Variants in ATG9A observed in about 807,000 individuals in gnomAD.
The protein encoded by ATG9A is autophagy related 9A, also known as autophagy-related protein 9A.
Under a neutral mutation model 87.1 loss-of-function variants are expected in ATG9A, and 21 were observed. That is an observed-to-expected ratio of 0.24 (90% CI 0.17 to 0.35). The LOEUF (loss-of-function observed/expected upper bound fraction) is 0.35, where lower values mean the gene tolerates loss of function less well. Among genes scored for constraint, ATG9A ranks in the 10% least tolerant of loss-of-function variants. ATG9A has a pLI of 1.00. For missense variants in ATG9A, 836 were observed against 1,107.3 expected, an observed-to-expected ratio of 0.76 and a Z score of 3.48; for synonymous variants, 422 against 441.3, an observed-to-expected ratio of 0.96 and a Z score of 0.55.
At chr2:219,227,024 G>T in intron 4 of ATG9A, 91 bp from the exon 5 acceptor site, 1 of 1,082,936 alleles carries the variant, frequency 9.2e-7, no homozygotes, top group Non-Finnish European at 1.4e-6. Context: ...TCCTGGCTCT[G>T]TGACTTTCTA....
chr2:219,221,556 G>A (rs1177835801), intron 13 of ATG9A, among the ~76,000 whole-genome samples: 2 of 152,160 alleles, frequency 1.3e-5, no homozygotes, highest in East Asian at 3.8e-4. Flanking sequence ...CAAACTGACT[G>A]ACGGTCTAAG....
intron 5 of ATG9A, among the ~76,000 whole-genome samples, chr2:219,226,085 G>C (rs1448382616): frequency 1.3e-5 from 2 of 152,146 alleles, no homozygotes; most frequent in African/African-American, 4.8e-5. Flanking sequence ...CGTTCCATTG[G>C]AGCGTTGAGA....
At position 219,220,840 on chromosome 2, in the gene ATG9A, T is replaced by A; in HGVS notation, c.2421A>T (p.Gly807=). ...CCGACTGCCCATCTTCTGCCCACCC[T>A]CCAAGAGGCAGCCGAGAGAAATGAG... is the stretch of plus-strand genomic sequence containing the variant. The part of the protein sequence containing the change: ...VPSHFSRLPL[G]GWAEDGQSAS... Residue 807 remains glycine, a synonymous_variant, in exon 15 of 16, where the codon GGA becomes GGT. Coordinates refer to ENST00000361242, the MANE Select transcript of ATG9A (RefSeq NM_001077198.3). 1 of 1,612,836 alleles carries A rather than the reference T, an allele frequency of 6.2e-7. No individual in the cohort carries two copies. Among genetic ancestry groups the A allele is most frequent in the East Asian group, 2.2e-5 (1 of 44,826 alleles).
At chr2:219,220,635 G>A in intron 15 of ATG9A, 112 bp downstream of exon 15, 2 of 1,503,846 alleles carry the variant, frequency 1.3e-6, no homozygotes, top group Non-Finnish European at 1.8e-6. Context: ...GGAAGGGAGG[G>A]TACAGTATCT....
At position 219,220,346 on chromosome 2, in the gene ATG9A, G is replaced by GA; in HGVS notation, c.*100_*101insT. On this transcript the variant is annotated 3_prime_UTR_variant, in exon 16 of 16. Transcript: ENST00000361242. Reference sequence around the variant, plus strand: ...AGACACACAAACACCACACACGTGGGGCCAGGGAACACTCAGAGGAGCCGT... The same window carrying GA: ...AGACACACAAACACCACACACGTGGGAGCCAGGGAACACTCAGAGGAGCCGT... The GA allele has an allele frequency of 6.8e-7, 1 of 1,460,696 alleles. No individual in the cohort carries two copies. Among genetic ancestry groups the GA allele is most frequent in the Non-Finnish European group, 9.5e-7 (1 of 1,051,358 alleles). 90.5% of individuals were successfully genotyped at this position (1,460,696 alleles called of 1,614,324 possible).
rs1950738544 is a variant in ATG9A at position 219,220,747 on chromosome 2, C to T, written c.2514G>A (p.Lys838=). ...TTTTCCTAGGCCCCGGGGCCCTTAC[C>T]TTGTGCACCTGAGGGGGTAGCTCAT... ...SEDELPPQVH[K]V is the part of the protein sequence containing the mutation. Residue 838 remains lysine (K), a splice_region_variant and synonymous_variant, in exon 15 of 16, where the codon AAG becomes AAA. Transcript: ENST00000361242. 6.2e-7 allele frequency: 1 copy of T among 1,612,966 alleles called. No individual in the cohort carries two copies. The highest frequency in any genetic ancestry group is 8.5e-7 in the Non-Finnish European group (1 of 1,179,648).
At position 219,229,193 on chromosome 2, in the gene ATG9A, T is replaced by A. The variant is rs1950945568; in HGVS notation, c.-82+342A>T. On this transcript the variant is annotated intron_variant, in intron 1 of 15. Coordinates refer to ENST00000361242, the MANE Select transcript of ATG9A (RefSeq NM_001077198.3). The surrounding 1 kb of genome is among the most constrained non-coding windows in gnomAD (Gnocchi z 4.2). ...GGGGTTCCTGCGGATGTTGCAGGGA[T>A]CGAGTCAGCCTTACAGCTGATAGCC... is the stretch of plus-strand genomic sequence containing the variant. 6.6e-6 allele frequency: 1 copy of A among 152,038 alleles called. No individual in the cohort carries two copies. The highest frequency in any genetic ancestry group is 2.1e-4 in the South Asian group (1 of 4,824). 9.4% of individuals were successfully genotyped at this position (152,038 alleles called of 1,614,324 possible).
At chr2:219,220,540 C>T in intron 15 of ATG9A, 88 bp from the exon 16 acceptor site, 1 of 1,575,054 alleles carries the variant, frequency 6.3e-7, no homozygotes, top group Non-Finnish European at 8.7e-7. Context: ...GGTAAAGGGA[C>T]AGGAAAGGTT....
intron 4 of ATG9A, 78 bp downstream of exon 4, chr2:219,227,692 C>G: frequency 3.9e-6 from 6 of 1,537,094 alleles, no homozygotes; most frequent in Non-Finnish European, 5.4e-6. Context: ...GTCAAACCTA[C>G]CCCCACCTCC....
At chr2:219,227,849 A>G (rs1330105457) in intron 3 of ATG9A, 36 bp from the exon 4 acceptor site, 2 of 1,613,510 alleles carry the variant, frequency 1.2e-6, no homozygotes, top group East Asian at 2.2e-5. Flanking sequence ...GAGCCCTGGG[A>G]GAACACAAGC....
rs768832707 is a variant in ATG9A, at chr2:219,222,319, G to A, written c.1980C>T (p.Pro660=). The A allele has an allele frequency of 3.0e-5, 48 of 1,613,370 alleles. No homozygotes were observed. The highest frequency in any genetic ancestry group is 3.3e-4 in the Middle Eastern group (2 of 6,062). Reference sequence around the variant, plus strand: ...GAGCCCGGCCTGTGGGCGCCTGCCCGGGTTGCAGCGGGGAGAAGGAGCGCA... The same window carrying A: ...GAGCCCGGCCTGTGGGCGCCTGCCCAGGTTGCAGCGGGGAGAAGGAGCGCA... ...SALRSFSPLQ[P]GQAPTGRAHS... The change falls in exon 12 of 16, where the codon CCC becomes CCT. Residue 660 remains proline, a synonymous_variant. Coordinates refer to ENST00000361242, the MANE Select transcript of ATG9A (RefSeq NM_001077198.3). The surrounding 1 kb of genome is among the most constrained non-coding windows in gnomAD (Gnocchi z 4.3).
chr2:219,221,623 C>T (rs1950761685), intron 13 of ATG9A, among the ~76,000 whole-genome samples: 1 of 152,066 alleles, frequency 6.6e-6, no homozygotes, highest in South Asian at 2.1e-4. Flanking sequence ...GACAGAAATG[C>T]CAGCCCTTGT....
At position 219,222,707 on chromosome 2, in the gene ATG9A, C is replaced by T; in HGVS notation, c.1786G>A (p.Gly596Arg). The change falls in exon 11 of 16, where the codon GGG becomes AGG. Residue 596 changes from glycine (G) to arginine (R), a missense_variant. Coordinates refer to ENST00000361242, the MANE Select transcript of ATG9A (RefSeq NM_001077198.3). This position sits in a 1 kb window ranked among gnomAD's most constrained non-coding sequence, Gnocchi z 4.3. ...AGGGCATTTTCAGGGAGCAGACCCC[C>T]TTGGGCGAGGCTAGCAGCTGCTCCA... is the stretch of plus-strand genomic sequence containing the variant. Reference protein sequence around the residue: ...RDGAAASLAQGGLLPENALFT... With the variant: ...RDGAAASLAQRGLLPENALFT... 5 of 1,614,200 alleles carry T rather than the reference C, an allele frequency of 3.1e-6. No individual in the cohort carries two copies. Among genetic ancestry groups the T allele is most frequent in the Non-Finnish European group, 3.4e-6 (4 of 1,180,016 alleles).
Position 219,224,801 on chromosome 2 carries a change from C to T in ATG9A, c.570G>A (p.Thr190=), listed in dbSNP as rs990471005. 1.5e-5 allele frequency: 25 copies of T among 1,614,062 alleles called. No individual in the cohort carries two copies. The highest frequency in any genetic ancestry group is 3.3e-5 in the Admixed American group (2 of 60,010). Reference sequence around the variant, plus strand: ...GGATGCAGATCTGGTGCTCCTTCTGCGTCTGCACGATCCGGGCCTGCACTT... The same window carrying T: ...GGATGCAGATCTGGTGCTCCTTCTGTGTCTGCACGATCCGGGCCTGCACTT... ...WQEVQARIVQ[T]QKEHQICIHK... is the part of the protein sequence containing the mutation. Residue 190 remains threonine, a synonymous_variant, in exon 8 of 16, where the codon ACG becomes ACA. Transcript: ENST00000361242. This position sits in a 1 kb window ranked among gnomAD's most constrained non-coding sequence, Gnocchi z 7.7.
chr2:219,221,436 T>C, intron 13 of ATG9A, 134 bp from the exon 14 acceptor site: 1 of 736,174 alleles, frequency 1.4e-6, no homozygotes, highest in Non-Finnish European at 2.2e-6. Flanking sequence ...CCTATTATGT[T>C]AATAGTGTGT....
Position 219,222,029 on chromosome 2 carries a change from C to A in ATG9A, c.2145+21G>T. 6.2e-7 allele frequency: 1 copy of A among 1,607,084 alleles called. No individual in the cohort carries two copies. The highest frequency in any genetic ancestry group is 1.1e-5 in the South Asian group (1 of 90,352). On this transcript the variant is annotated intron_variant, in intron 13 of 15. Transcript: ENST00000361242. The surrounding 1 kb of genome is among the most constrained non-coding windows in gnomAD (Gnocchi z 4.3). The stretch of plus-strand genomic sequence containing the variant: ...TCTCCGCATCTAAACCCTCTACTCT[C>A]TTTTTTAGCTGTGCACTCACCTGGT...
At position 219,223,656 on chromosome 2, in the gene ATG9A, C is replaced by T. The variant is rs1950808407; in HGVS notation, c.1528G>A (p.Val510Met). 1.2e-6 allele frequency: 2 copies of T among 1,613,798 alleles called. No homozygotes were observed. The highest frequency in any genetic ancestry group is 1.7e-5 in the Admixed American group (1 of 59,986). ...EIIDFFRNFT[V>M]EVVGVGDTCS... ...GTATCTCCCACACCAACGACCTCCA[C>T]GGTGAAGTTTCGGAAGAAGTCTATA... The change falls in exon 10 of 16, where the codon GTG (valine) becomes ATG (methionine). Residue 510 changes from valine (V) to methionine (M), a missense_variant. Around this residue, in one of 2 missense-constraint regions of ATG9A, gnomAD observed 512 missense variants for 759.6 expected, o/e 0.67. Coordinates refer to ENST00000361242, the MANE Select transcript of ATG9A (RefSeq NM_001077198.3). This position sits in a 1 kb window ranked among gnomAD's most constrained non-coding sequence, Gnocchi z 4.7.
rs910274882 is a variant in ATG9A at position 219,223,367 on chromosome 2, C to T, written c.1599+218G>A. 3.3e-5 allele frequency among the ~76,000 whole-genome samples: 5 copies of T among 152,224 alleles called. No homozygotes were observed. Among genetic ancestry groups the T allele is most frequent in the South Asian group, 2.1e-4 (1 of 4,830 alleles). The stretch of plus-strand genomic sequence containing the variant: ...CCTCCCAAAGTGCTGGGATTACAGA[C>T]GTGAGCCACCGCGCCTGGCCGTGTT... On this transcript the variant is annotated intron_variant, in intron 10 of 15. Coordinates refer to ENST00000361242, the MANE Select transcript of ATG9A (RefSeq NM_001077198.3). This position sits in a 1 kb window ranked among gnomAD's most constrained non-coding sequence, Gnocchi z 4.7.
In ATG9A at chr2:219,220,303, C is replaced by A. The variant is rs1482784009; in HGVS notation, c.*144G>T. 5.3e-6 allele frequency: 6 copies of A among 1,138,952 alleles called. No homozygotes were observed. Among genetic ancestry groups the A allele is most frequent in the Admixed American group, 2.3e-5 (1 of 43,504 alleles). The allele number at this position is 1,138,952 out of a possible 1,614,324, so 70.6% of individuals were successfully genotyped here. A position where few individuals can be genotyped will look rare whatever the true frequency, so the allele number is the denominator to read the frequency against. ...GGCTGTGGCAAGCCCAGTGTTGGCA[C>A]CTCCCTTGGCCAGGCACAGACACAC... On this transcript the variant is annotated 3_prime_UTR_variant, in exon 16 of 16. Coordinates refer to ENST00000361242, the MANE Select transcript of ATG9A (RefSeq NM_001077198.3).
Sources: allele counts gnomAD v4.1 joint callset (sites outside exome capture counted in the v4.1 genomes callset), GRCh38; gene constraint gnomAD v4.1.1; regional missense constraint gnomAD v4.1.1; non-coding constraint Gnocchi (gnomAD v3.1); transcripts MANE v1.5; gene names NCBI Gene and HGNC (gene_info 2026-07-23, HGNC 2026-07-21).